The following PIGU variants were observed in gnomAD, a reference collection of about 807,000 sequenced individuals.
The protein encoded by PIGU is GPI-anchor transamidase component PIGU.
Under a neutral mutation model 49.9 loss-of-function variants are expected in PIGU, and 24 were observed. That is an observed-to-expected ratio of 0.48 (90% CI 0.35 to 0.68). PIGU has a LOEUF of 0.68. PIGU is among the 30% of genes least tolerant of loss of function. PIGU has a pLI of 0.01. For synonymous variants in PIGU, 220 were observed against 205.7 expected (o/e 1.07, Z -0.59); for missense variants, 490 against 532.6 (o/e 0.92, Z 0.79).
intron 1 of PIGU, among the ~76,000 whole-genome samples, chr20:34,670,320 G>A (rs1987271205): frequency 2.0e-5 from 3 of 151,392 alleles, no homozygotes; most frequent in African/African-American, 4.9e-5. Context: ...CTCCTGAGTA[G>A]CTGGGACTAC....
intron 7 of PIGU, among the ~76,000 whole-genome samples, chr20:34,614,723 TAAGA>T (rs891733557): frequency 2.2e-4 from 33 of 151,230 alleles, no homozygotes; most frequent in African/African-American, 8.0e-4. Flanking sequence ...ATTCCCCAAA[TAAGA>T]AAAAGATCAA....
chr20:34,579,519 C>T (rs1000734719), intron 10 of PIGU: 3 of 152,246 alleles, frequency 2.0e-5, no homozygotes, highest in Non-Finnish European at 2.9e-5. Context: ...TCAACACATA[C>T]ATCCCACTCA....
Position 34,631,722 on chromosome 20 carries a change from C to T in PIGU, c.529+2893G>A, listed in dbSNP as rs769451623. Among the ~76,000 whole-genome samples the T allele has an allele frequency of 7.0e-3, 237 of 33,686 alleles. 7 individuals are homozygous for T. Among genetic ancestry groups the T allele is most frequent in the African/African-American group, 0.016 (208 of 13,290 alleles). The allele number at this position is 33,686 out of a possible 152,430, so 22.1% of individuals were successfully genotyped here. A position where few individuals can be genotyped will look rare whatever the true frequency, so the allele number is the denominator to read the frequency against. On this transcript the variant is annotated intron_variant, in intron 6 of 11. Transcript: ENST00000217446. ...GTGCCAGCCACCATGTCCGGCTAAC[C>T]ATATATATATATATATATATATATA...
chr20:34,620,164 T>A (rs1025612273), intron 6 of PIGU, among the ~76,000 whole-genome samples: 3 of 152,186 alleles, frequency 2.0e-5, no homozygotes, highest in Non-Finnish European at 2.9e-5. Context: ...TCTATCAGGT[T>A]AAGTCTAAAC....
intron 6 of PIGU, among the ~76,000 whole-genome samples, chr20:34,620,026 C>A (rs1985146302): frequency 6.6e-6 from 1 of 152,108 alleles, no homozygotes; most frequent in Non-Finnish European, 1.5e-5. Context: ...CAGCTTTTCC[C>A]CCTCCTCCTT....
intron 1 of PIGU, among the ~76,000 whole-genome samples, chr20:34,657,941 TCTCCC>T (rs1986756039): frequency 7.2e-6 from 1 of 139,470 alleles, no homozygotes; most frequent in South Asian, 2.3e-4. Context: ...TCCCTCTCCC[TCTCCC>T]TCACCCTCTC....
chr20:34,585,911 A>C (rs371698662), intron 8 of PIGU, among the ~76,000 whole-genome samples: 9 of 152,322 alleles, frequency 5.9e-5, no homozygotes, highest in African/African-American at 2.2e-4. Context: ...GTACTGTAAC[A>C]AATGAGTTTT....
At chr20:34,611,964 G>T (rs577096154) in intron 7 of PIGU, among the ~76,000 whole-genome samples, 1 of 152,256 alleles carries the variant, frequency 6.6e-6, no homozygotes, top group East Asian at 1.9e-4. Context: ...ATTCCTCAAG[G>T]ATTAGAGCCA....
chr20:34,604,361 GA>G (rs1412828184), intron 7 of PIGU, among the ~76,000 whole-genome samples: 1 of 152,070 alleles, frequency 6.6e-6, no homozygotes, highest in Non-Finnish European at 1.5e-5. Flanking sequence ...ATGTGAAAGG[GA>G]AAAAGCCAGT....
At chr20:34,633,451 A>C (rs1985855959) in intron 6 of PIGU, among the ~76,000 whole-genome samples, 1 of 152,134 alleles carries the variant, frequency 6.6e-6, no homozygotes, top group Admixed American at 6.5e-5. Context: ...TGACAGAGTG[A>C]GACCCCGTCT....
intron 11 of PIGU, among the ~76,000 whole-genome samples, chr20:34,574,367 G>A (rs529237106): frequency 2.0e-5 from 3 of 152,322 alleles, no homozygotes; most frequent in South Asian, 2.1e-4. Flanking sequence ...TACTTGGGAC[G>A]GCTGCAACAT....
rs146396115 is a variant in PIGU at position 34,610,959 on chromosome 20, G to C, written c.627+5083C>G. On this transcript the variant is annotated intron_variant, in intron 7 of 11. Transcript: ENST00000217446. Reference sequence around the variant, plus strand: ...TGACAAAAACAAGCAATGGGGAAAGGATTCCCTATTTAATAAATGGTGCTG... The same window carrying C: ...TGACAAAAACAAGCAATGGGGAAAGCATTCCCTATTTAATAAATGGTGCTG... Among the ~76,000 whole-genome samples, 417 of 152,240 alleles carry C rather than the reference G, an allele frequency of 2.7e-3. 2 individuals are homozygous for C. Among genetic ancestry groups the C allele is most frequent in the African/African-American group, 9.5e-3 (395 of 41,540 alleles).
intron 2 of PIGU, among the ~76,000 whole-genome samples, chr20:34,651,459 C>T (rs1986537666): frequency 1.3e-5 from 2 of 152,234 alleles, no homozygotes; most frequent in African/African-American, 4.8e-5. Flanking sequence ...GTACTTTCCC[C>T]TCTGGGATCT....
intron 3 of PIGU, 119 bp downstream of exon 3, chr20:34,645,155 AC>A: frequency 3.5e-6 from 4 of 1,156,392 alleles, no homozygotes; most frequent in Non-Finnish European, 4.6e-6. Context: ...GGAGTCCAAG[AC>A]CAGCCTGGGC....
intron 4 of PIGU, among the ~76,000 whole-genome samples, chr20:34,642,492 G>GAAAAAA (rs1197281095): frequency 6.9e-6 from 1 of 145,934 alleles, no homozygotes. Flanking sequence ...AATTGAGCAG[G>GAAAAAA]AAAAAAAAAA....
intron 10 of PIGU, among the ~76,000 whole-genome samples, chr20:34,577,811 T>A (rs972737871): frequency 6.6e-6 from 1 of 152,134 alleles, no homozygotes; most frequent in African/African-American, 2.4e-5. Flanking sequence ...CAGGCATCCA[T>A]ATGAGGTTTT....
intron 6 of PIGU, among the ~76,000 whole-genome samples, chr20:34,619,596 A>C (rs1985132577): frequency 6.6e-6 from 1 of 152,238 alleles, no homozygotes; most frequent in Non-Finnish European, 1.5e-5. Flanking sequence ...GGTGAAAACA[A>C]ACACATGACT....
chr20:34,600,076 A>G (rs1262658814), intron 7 of PIGU, among the ~76,000 whole-genome samples: 1 of 152,200 alleles, frequency 6.6e-6, no homozygotes, highest in Non-Finnish European at 1.5e-5. Flanking sequence ...ATCTAGAAGA[A>G]TAAAGTTTCA....
intron 11 of PIGU, among the ~76,000 whole-genome samples, chr20:34,566,089 C>A (rs1982753039): frequency 6.6e-6 from 1 of 152,214 alleles, no homozygotes; most frequent in Non-Finnish European, 1.5e-5. Flanking sequence ...CACACACACA[C>A]AGATACACAC....
Sources: allele counts gnomAD v4.1 joint callset (sites outside exome capture counted in the v4.1 genomes callset), GRCh38; gene constraint gnomAD v4.1.1; transcripts MANE v1.5; gene names NCBI Gene and HGNC (gene_info 2026-07-23, HGNC 2026-07-21).